Variants in GFRA1 observed in about 807,000 individuals in gnomAD.
The protein encoded by GFRA1 is GDNF family receptor alpha 1.
A neutral mutation model predicts 51.6 loss-of-function variants in GFRA1; 16 were observed. The ratio of observed to expected loss-of-function variants is 0.31; its 90% CI spans 0.21 to 0.47. GFRA1 has a LOEUF of 0.47. Among genes scored for constraint, GFRA1 ranks in the 20% least tolerant of loss-of-function variants. The pLI, the probability that GFRA1 is intolerant of heterozygous loss-of-function variation, is 1.00. For synonymous variants in GFRA1, 270 were observed against 241.3 expected (o/e 1.12, Z -1.10); for missense variants, 530 against 594.3 (o/e 0.89, Z 1.13).
chr10:116,148,076 A>G (rs78482430), intron 5 of GFRA1, among the ~76,000 whole-genome samples: 30 of 31,588 alleles, frequency 9.5e-4, no homozygotes, highest in East Asian at 2.6e-3. Context: ...GCGTGTGTGC[A>G]TGTGTGTGTG....
At chr10:116,235,936 T>C (rs930530541) in intron 4 of GFRA1, among the ~76,000 whole-genome samples, 6 of 152,116 alleles carry the variant, frequency 3.9e-5, no homozygotes, top group Admixed American at 6.5e-5. Context: ...TCCAAAACTA[T>C]GAGAAATAAT....
intron 2 of GFRA1, among the ~76,000 whole-genome samples, chr10:116,271,354 G>A (rs1843920323): frequency 6.6e-6 from 1 of 152,104 alleles, no homozygotes; most frequent in South Asian, 2.1e-4. Flanking sequence ...CAGCCCGCGG[G>A]CTTCAAGGGT....
chr10:116,182,666 G>T (rs1962347929), intron 5 of GFRA1, among the ~76,000 whole-genome samples: 1 of 152,228 alleles, frequency 6.6e-6, no homozygotes, highest in South Asian at 2.1e-4. Flanking sequence ...CTTCATGTCA[G>T]ATTTCTAGAA....
chr10:116,271,951 C>A, intron 2 of GFRA1, 39 bp downstream of exon 2: 2 of 1,516,306 alleles, frequency 1.3e-6, no homozygotes, highest in Non-Finnish European at 1.8e-6. Flanking sequence ...CTAGGAAAGA[C>A]TCAGAGGGTA....
In GFRA1 at chr10:116,125,401, C is replaced by A; in HGVS notation, c.590G>T (p.Arg197Leu). ...CNRRKCHKAL[R>L]QFFDKVPAKH... ...GGCCGGGACCTTGTCAAAGAACTGC[C>A]GGAGGGCCTTGTGGCACTTGCGGCG... Residue 197 changes from arginine to leucine, a missense_variant, in exon 6 of 11, where the codon CGG becomes CTG. By Grantham distance (102) the Arg-to-Leu change is moderately radical (BLOSUM62 -2). Coordinates refer to ENST00000355422, the MANE Select transcript of GFRA1 (RefSeq NM_005264.8). 6.2e-7 allele frequency: 1 copy of A among 1,614,242 alleles called. No homozygotes were observed. The highest frequency in any genetic ancestry group is 8.5e-7 in the Non-Finnish European group (1 of 1,180,058).
At chr10:116,203,493 A>G (rs1964496164) in intron 5 of GFRA1, among the ~76,000 whole-genome samples, 1 of 152,210 alleles carries the variant, frequency 6.6e-6, no homozygotes, top group Non-Finnish European at 1.5e-5. Context: ...TCTCCAAATA[A>G]TAACAGCTCT....
rs1202047917 is a variant in GFRA1, at chr10:116,099,568, T to C, written c.771-2804A>G. Among the ~76,000 whole-genome samples the C allele has an allele frequency of 3.9e-5, 6 of 152,236 alleles. No homozygotes were observed. The East Asian group carries it at 1.2e-3, about 29-fold the overall frequency. ...CTCCCCCATCCCACTAAAACATCCTTCCTGCCCAACATCTCCTTCTCCTAC... is the reference window on the plus strand; with the variant it reads ...CTCCCCCATCCCACTAAAACATCCTCCCTGCCCAACATCTCCTTCTCCTAC... On this transcript the variant is annotated intron_variant, in intron 6 of 10. Coordinates refer to ENST00000355422, the MANE Select transcript of GFRA1 (RefSeq NM_005264.8).
At chr10:116,153,449 G>C (rs1243160815) in intron 5 of GFRA1, among the ~76,000 whole-genome samples, 1 of 152,198 alleles carries the variant, frequency 6.6e-6, no homozygotes, top group African/African-American at 2.4e-5. Context: ...CAGAGCAACA[G>C]GCTTTGTCAA....
At chr10:116,067,599 A>T (rs74158559) in intron 9 of GFRA1, among the ~76,000 whole-genome samples, 1 of 152,148 alleles carries the variant, frequency 6.6e-6, no homozygotes, top group Non-Finnish European at 1.5e-5. Context: ...TGTATACTCA[A>T]TCTGTGACAC....
At chr10:116,084,642 G>A (rs934473576) in intron 9 of GFRA1, among the ~76,000 whole-genome samples, 1 of 152,114 alleles carries the variant, frequency 6.6e-6, no homozygotes, top group African/African-American at 2.4e-5. Context: ...ACAGAAATCA[G>A]AGGTCGACAA....
At chr10:116,243,384 C>T (rs1967560032) in intron 4 of GFRA1, among the ~76,000 whole-genome samples, 1 of 151,988 alleles carries the variant, frequency 6.6e-6, no homozygotes, top group South Asian at 2.1e-4. Flanking sequence ...CATTTGAATC[C>T]TTTTATCTAA....
chr10:116,087,615 C>G (rs1195554453), intron 9 of GFRA1, among the ~76,000 whole-genome samples: 1 of 152,172 alleles, frequency 6.6e-6, no homozygotes, highest in African/African-American at 2.4e-5. Context: ...CAGAACTTGC[C>G]TTTTCTTTCC....
At chr10:116,218,090 G>A (rs1212162885) in intron 4 of GFRA1, among the ~76,000 whole-genome samples, 3 of 152,182 alleles carry the variant, frequency 2.0e-5, no homozygotes, top group Non-Finnish European at 4.4e-5. Flanking sequence ...CTTGACATCA[G>A]TGATCCAATG....
At chr10:116,199,059 G>T (rs1964126075) in intron 5 of GFRA1, among the ~76,000 whole-genome samples, 1 of 152,186 alleles carries the variant, frequency 6.6e-6, no homozygotes, top group Non-Finnish European at 1.5e-5. Flanking sequence ...ATCCCCAGTA[G>T]CTGGAAGCGG....
At chr10:116,242,069 C>A (rs1967428351) in intron 4 of GFRA1, among the ~76,000 whole-genome samples, 3 of 152,340 alleles carry the variant, frequency 2.0e-5, no homozygotes, top group South Asian at 4.1e-4. Context: ...ATCCCCTCAA[C>A]TGAAATACCC....
rs1360736621 is a variant in GFRA1, at chr10:116,056,947, T to G, written c.*7451A>C. On this transcript the variant is annotated 3_prime_UTR_variant, in exon 11 of 11. Transcript: ENST00000355422. The stretch of plus-strand genomic sequence containing the variant: ...TGATTTTTTTTAAAAAAGAAAACAA[T>G]GTTTATTAGGATATTCTGGGGTGAG... 6.6e-6 allele frequency: 1 copy of G among 152,098 alleles called. No individual in the cohort carries two copies. The highest frequency in any genetic ancestry group is 2.4e-5 in the African/African-American group (1 of 41,400). 9.4% of individuals were successfully genotyped at this position (152,098 alleles called of 1,614,324 possible).
At chr10:116,196,620 A>G (rs185984357) in intron 5 of GFRA1, among the ~76,000 whole-genome samples, 5 of 47,300 alleles carry the variant, frequency 1.1e-4, no homozygotes, top group Admixed American at 4.2e-4. Context: ...ACTATATATA[A>G]TATATATAAT....
intron 5 of GFRA1, among the ~76,000 whole-genome samples, chr10:116,139,704 G>T (rs1346881358): frequency 6.6e-6 from 1 of 152,216 alleles, no homozygotes; most frequent in African/African-American, 2.4e-5. Flanking sequence ...GGCATTCAGG[G>T]ATGAGAGGAA....
At chr10:116,205,815 C>A (rs1964703555) in intron 5 of GFRA1, among the ~76,000 whole-genome samples, 1 of 151,718 alleles carries the variant, frequency 6.6e-6, no homozygotes, top group Admixed American at 6.6e-5. Context: ...AGGAAAGCTC[C>A]ACCCCAAGGT....
Sources: allele counts gnomAD v4.1 joint callset (sites outside exome capture counted in the v4.1 genomes callset), GRCh38; gene constraint gnomAD v4.1.1; transcripts MANE v1.5; gene names NCBI Gene and HGNC (gene_info 2026-07-23, HGNC 2026-07-21).